LIPK: variants seen among roughly 807,000 people sequenced by gnomAD.
LIPK encodes the protein lipase family member K.
Under a neutral mutation model 48.6 loss-of-function variants are expected in LIPK, and 32 were observed. The observed-to-expected ratio is 0.66, with a 90% CI of 0.50 to 0.88. LIPK has a LOEUF of 0.88. LIPK is among the 40% of genes least tolerant of loss of function. The probability of loss-of-function intolerance (pLI) is 0.00; values close to 1 mark genes in which losing one functional copy is unlikely to be tolerated. For missense variants in LIPK, 507 were observed against 478.5 expected, an observed-to-expected ratio of 1.06 and a Z score of -0.56; for synonymous variants, 164 against 157.4, an observed-to-expected ratio of 1.04 and a Z score of -0.32.
intron 1 of LIPK, among the ~76,000 whole-genome samples, chr10:88,710,714 T>C (rs1590127229): frequency 6.6e-6 from 1 of 152,184 alleles, no homozygotes; most frequent in African/African-American, 2.4e-5. Flanking sequence ...TGATTATGTG[T>C]CCATTCTACT....
intron 7 of LIPK, 90 bp from the exon 8 acceptor site, chr10:88,739,906 A>C: frequency 1.4e-6 from 1 of 735,892 alleles, no homozygotes; most frequent in Non-Finnish European, 2.2e-6. Context: ...GGAAAAGAGG[A>C]AAAGAAGAAA....
At chr10:88,727,682 G>C (rs1009243994) in intron 3 of LIPK, 1 of 175,900 alleles carries the variant, frequency 5.7e-6, no homozygotes, top group South Asian at 1.3e-4. Context: ...CATGGGTCTG[G>C]GTGAGGTCTA....
chr10:88,745,665 C>A (rs1377178296), intron 9 of LIPK, among the ~76,000 whole-genome samples: 1 of 152,144 alleles, frequency 6.6e-6, no homozygotes, highest in African/African-American at 2.4e-5. Flanking sequence ...GTACCAGATA[C>A]TACAAAAGCA....
chr10:88,736,295 A>G (rs1842570105), intron 6 of LIPK, among the ~76,000 whole-genome samples: 1 of 152,188 alleles, frequency 6.6e-6, no homozygotes, highest in Admixed American at 6.5e-5. Context: ...AGGTCTGGAA[A>G]GTAATAATAA....
intron 1 of LIPK, among the ~76,000 whole-genome samples, chr10:88,720,914 C>A (rs961380843): frequency 6.6e-6 from 1 of 151,502 alleles, no homozygotes; most frequent in African/African-American, 2.4e-5. Flanking sequence ...TAGATTATAT[C>A]TATAATAAAA....
At chr10:88,711,706 C>A (rs990365382) in intron 1 of LIPK, among the ~76,000 whole-genome samples, 4 of 152,206 alleles carry the variant, frequency 2.6e-5, no homozygotes, top group African/African-American at 9.7e-5. Context: ...AGCTCCTGGC[C>A]TCAAGTGATC....
chr10:88,734,119 G>A (rs1288973970), intron 6 of LIPK, among the ~76,000 whole-genome samples: 2 of 152,132 alleles, frequency 1.3e-5, no homozygotes, highest in Non-Finnish European at 2.9e-5. Flanking sequence ...ACCAATAGAA[G>A]AACTGCCACA....
At chr10:88,739,206 C>G (rs1211141173) in intron 7 of LIPK, among the ~76,000 whole-genome samples, 1 of 152,124 alleles carries the variant, frequency 6.6e-6, no homozygotes, top group Non-Finnish European at 1.5e-5. Context: ...ATTTCAGAGT[C>G]CTGTAGAATA....
chr10:88,748,004 A>G (rs1163450388), intron 9 of LIPK, among the ~76,000 whole-genome samples: 1 of 152,202 alleles, frequency 6.6e-6, no homozygotes, highest in Non-Finnish European at 1.5e-5. Context: ...CATGGAACCA[A>G]CGGAAATGCC....
At chr10:88,730,888 C>G in intron 3 of LIPK, 95 bp from the exon 4 acceptor site, 1 of 1,164,234 alleles carries the variant, frequency 8.6e-7, no homozygotes, top group Non-Finnish European at 1.2e-6. Flanking sequence ...TATCTCTTAA[C>G]CTTTCTTTTA....
chr10:88,714,881 TA>T (rs1842088757), intron 1 of LIPK, among the ~76,000 whole-genome samples: 3 of 152,044 alleles, frequency 2.0e-5, no homozygotes, highest in Admixed American at 2.0e-4. Context: ...TCCTCTTTAT[TA>T]TTCCTCTCCT....
chr10:88,742,702 G>A (rs1590158489), intron 8 of LIPK, among the ~76,000 whole-genome samples: 1 of 152,116 alleles, frequency 6.6e-6, no homozygotes, highest in South Asian at 2.1e-4. Flanking sequence ...GGGAGGCAGA[G>A]AGCAGCCATG....
At chr10:88,722,386 T>C (rs1255293776) in intron 1 of LIPK, among the ~76,000 whole-genome samples, 2 of 152,252 alleles carry the variant, frequency 1.3e-5, no homozygotes, top group African/African-American at 4.8e-5. Context: ...AGGTCTCAGA[T>C]AAACAGAAAC....
In LIPK at chr10:88,716,588, C is replaced by T. The variant is rs138128111; in HGVS notation, c.-11-7945C>T. Among the ~76,000 whole-genome samples the T allele has an allele frequency of 9.9e-3, 1,506 of 152,146 alleles. 6 individuals carry two copies. Among genetic ancestry groups the T allele is most frequent in the Middle Eastern group, 0.038 (11 of 292 alleles). ...GCCAGGCTGGTCTGGAACTCCTGGC[C>T]TCAGGTGATCCACACGCCTCGGCCT... On this transcript the variant is annotated intron_variant, in intron 1 of 9. Coordinates refer to ENST00000404190, the MANE Select transcript of LIPK (RefSeq NM_001080518.2).
chr10:88,731,947 G>A (rs1327635842), intron 4 of LIPK, among the ~76,000 whole-genome samples: 1 of 152,186 alleles, frequency 6.6e-6, no homozygotes, highest in African/African-American at 2.4e-5. Context: ...TGCAAGAAAA[G>A]CATCAGTAGG....
chr10:88,738,555 A>G (rs2134762171), intron 7 of LIPK, among the ~76,000 whole-genome samples: 1 of 152,306 alleles, frequency 6.6e-6, no homozygotes. Context: ...TTCCTCTCTC[A>G]CTTTCTCAGT....
At chr10:88,715,595 A>C (rs1012398334) in intron 1 of LIPK, among the ~76,000 whole-genome samples, 9 of 151,992 alleles carry the variant, frequency 5.9e-5, no homozygotes, top group African/African-American at 2.2e-4. Context: ...TAGTCTGACA[A>C]TATTTGCCTT....
chr10:88,744,628 C>G (rs750008451), intron 9 of LIPK, among the ~76,000 whole-genome samples: 15 of 152,132 alleles, frequency 9.9e-5, no homozygotes, highest in Non-Finnish European at 1.9e-4. Flanking sequence ...AAGCAAAAAG[C>G]CTCATCCAAA....
intron 1 of LIPK, among the ~76,000 whole-genome samples, chr10:88,723,980 T>C (rs115912749): frequency 0.014 from 2,158 of 152,270 alleles, 52 homozygotes; most frequent in African/African-American, 0.05. Flanking sequence ...TGTCTTAAGA[T>C]ATATAATAAG....
Sources: gnomAD v4.1 joint callset for allele counts (sites outside exome capture counted in the v4.1 genomes callset) on GRCh38, gnomAD v4.1.1 for gene constraint, MANE v1.5 for transcripts, NCBI Gene and HGNC (gene_info 2026-07-23, HGNC 2026-07-21) for gene names.